Variants in LINGO2 observed in about 807,000 individuals in gnomAD.
LINGO2 encodes the protein leucine-rich repeat and immunoglobulin-like domain-containing nogo receptor-interacting protein 2.
LINGO2 carries 14 observed loss-of-function variants against 30.6 expected under a neutral mutation model. The observed-to-expected ratio is 0.46, with a 90% CI of 0.30 to 0.72. The LOEUF is 0.72. Among genes scored for constraint, LINGO2 ranks in the 30% least tolerant of loss-of-function variants. LINGO2 has a pLI of 0.07. For missense variants in LINGO2, 729 were observed against 751.7 expected (o/e 0.97, Z 0.35); for synonymous variants, 317 against 288.5 (o/e 1.10, Z -1.00).
chr9:28,104,318 G>C (rs1305237949), intron 4 of LINGO2, among the ~76,000 whole-genome samples: 1 of 122,042 alleles, frequency 8.2e-6, no homozygotes, highest in Non-Finnish European at 1.6e-5. Flanking sequence ...AATGACGAAT[G>C]AGAAACATGA....
In LINGO2 at chr9:28,002,292, C is replaced by T. The variant is rs533729881; in HGVS notation, c.-36+10063G>A. Among the ~76,000 whole-genome samples, 90 of 147,534 alleles carry T rather than the reference C, an allele frequency of 6.1e-4. 1 individual carries two copies. Among genetic ancestry groups the T allele is most frequent in the African/African-American group, 2.2e-3 (88 of 39,560 alleles). ...TTTTTTTTTGTTCCCTCTCGTATTT[C>T]AATTTGTTTCATATGACAAACCCAA... On this transcript the variant is annotated intron_variant, in intron 5 of 5. Transcript: ENST00000379992.
the LINGO2 span, among the ~76,000 whole-genome samples, chr9:29,125,391 C>T: frequency 1.3e-5 from 2 of 151,934 alleles, no homozygotes; most frequent in African/African-American, 4.8e-5. Flanking sequence ...CAACCCTGCA[C>T]GTTCTGCACA....
chr9:28,262,366 G>C (rs1822594504), intron 4 of LINGO2, among the ~76,000 whole-genome samples: 1 of 151,820 alleles, frequency 6.6e-6, no homozygotes, highest in Admixed American at 6.6e-5. Context: ...CAATGACACA[G>C]AGAAGAGAAA....
chr9:29,200,189 T>C, the LINGO2 span, among the ~76,000 whole-genome samples: 1 of 151,900 alleles, frequency 6.6e-6, no homozygotes, highest in East Asian at 1.9e-4. Context: ...CCTAGGAAAA[T>C]GCTCCATCAC....
chr9:29,070,222 A>G, the LINGO2 span, among the ~76,000 whole-genome samples: 2 of 152,126 alleles, frequency 1.3e-5, no homozygotes, highest in Non-Finnish European at 2.9e-5. Context: ...GTCACAGCTA[A>G]CAAATTGTGG....
intron 5 of LINGO2, among the ~76,000 whole-genome samples, chr9:27,972,314 A>C (rs1820393712): frequency 6.6e-6 from 1 of 152,212 alleles, no homozygotes; most frequent in African/African-American, 2.4e-5. Flanking sequence ...TGAAAAATAG[A>C]TGTTAATTAG....
the LINGO2 span, among the ~76,000 whole-genome samples, chr9:28,747,529 T>C: frequency 1.2e-4 from 19 of 152,116 alleles, no homozygotes; most frequent in Admixed American, 3.3e-4. Flanking sequence ...ACACACCCAC[T>C]TGGACTTCAG....
rs544612112 is a variant in LINGO2 at position 28,561,384 on chromosome 9, A to G, written c.-364-85359T>C. 4.6e-5 allele frequency among the ~76,000 whole-genome samples: 7 copies of G among 151,958 alleles called. No homozygotes were observed. In the South Asian group the frequency reaches 1.5e-3, roughly 32 times the overall value. ...GAGTATCATAGGGAATCTGTGGATTAAAACAGATTACTTATAGTAGTAAGC... is the reference window on the plus strand; with the variant it reads ...GAGTATCATAGGGAATCTGTGGATTGAAACAGATTACTTATAGTAGTAAGC... On this transcript the variant is annotated intron_variant, in intron 1 of 5. Transcript: ENST00000379992.
chr9:27,990,994 T>C (rs1821370988), intron 5 of LINGO2, among the ~76,000 whole-genome samples: 1 of 151,952 alleles, frequency 6.6e-6, no homozygotes, highest in African/African-American at 2.4e-5. Context: ...GCAGCCTCTC[T>C]CAGCCTAAGT....
chr9:28,861,120 A>G, the LINGO2 span, among the ~76,000 whole-genome samples: 10 of 120,066 alleles, frequency 8.3e-5, no homozygotes, highest in Non-Finnish European at 1.6e-4. Context: ...ATATTTATAT[A>G]ATATAAATTA....
At chr9:29,011,455 T>A in the LINGO2 span, among the ~76,000 whole-genome samples, 6 of 152,184 alleles carry the variant, frequency 3.9e-5, no homozygotes, top group Admixed American at 6.6e-5. Flanking sequence ...TTTGCCTCCA[T>A]GAGAAGAGTT....
chr9:29,189,085 G>T, the LINGO2 span, among the ~76,000 whole-genome samples: 1 of 81,106 alleles, frequency 1.2e-5, no homozygotes, highest in Non-Finnish European at 3.1e-5. Context: ...CATCCCGGAC[G>T]GGGCGGCTGG....
At chr9:28,369,685 T>C (rs893668732) in intron 3 of LINGO2, among the ~76,000 whole-genome samples, 1 of 152,190 alleles carries the variant, frequency 6.6e-6, no homozygotes, top group Non-Finnish European at 1.5e-5. Flanking sequence ...GAGAGTGAGA[T>C]ACATATGTAG....
chr9:28,092,028 T>G (rs539507699), intron 4 of LINGO2, among the ~76,000 whole-genome samples: 1 of 152,200 alleles, frequency 6.6e-6, no homozygotes, highest in East Asian at 1.9e-4. Flanking sequence ...ATGGCGATCA[T>G]TAAAAAGTCA....
intron 3 of LINGO2, among the ~76,000 whole-genome samples, chr9:28,297,633 C>T (rs1823971755): frequency 6.6e-6 from 1 of 152,078 alleles, no homozygotes; most frequent in Admixed American, 6.6e-5. Context: ...GCACTATAGG[C>T]CAAGGGAAAA....
At chr9:29,086,256 A>C in the LINGO2 span, among the ~76,000 whole-genome samples, 3 of 152,180 alleles carry the variant, frequency 2.0e-5, no homozygotes, top group African/African-American at 7.2e-5. Flanking sequence ...TAAGAATAAT[A>C]ATTTAATGAG....
At chr9:29,005,365 T>C in the LINGO2 span, among the ~76,000 whole-genome samples, 19 of 151,734 alleles carry the variant, frequency 1.3e-4, no homozygotes, top group South Asian at 1.0e-3. Flanking sequence ...AGAAGATACA[T>C]AGATTAATAG....
chr9:28,761,483 C>T, the LINGO2 span, among the ~76,000 whole-genome samples: 3 of 74,066 alleles, frequency 4.1e-5, no homozygotes, highest in Non-Finnish European at 7.0e-5. Context: ...AATATACATG[C>T]GCACACACAC....
chr9:28,570,727 G>T (rs1253044003), intron 1 of LINGO2, among the ~76,000 whole-genome samples: 2 of 151,420 alleles, frequency 1.3e-5, no homozygotes, highest in East Asian at 3.9e-4. Flanking sequence ...TGTCTTTTTT[G>T]GATTTAGCAT....
Sources: allele counts gnomAD v4.1 joint callset (sites outside exome capture counted in the v4.1 genomes callset), GRCh38; gene constraint gnomAD v4.1.1; transcripts MANE v1.5; gene names NCBI Gene and HGNC (gene_info 2026-07-23, HGNC 2026-07-21).